The following MTHFSD variants were observed in gnomAD, a reference collection of about 807,000 sequenced individuals.
The protein encoded by MTHFSD is methenyltetrahydrofolate synthase domain-containing protein.
A neutral mutation model predicts 31.1 loss-of-function variants in MTHFSD; 37 were observed. The ratio of observed to expected loss-of-function variants is 1.19; its 90% confidence interval spans 0.91 to 1.56. MTHFSD has a LOEUF of 1.56. MTHFSD is among the 40% of genes most tolerant of loss of function. The pLI is 0.00. For missense variants in MTHFSD, 664 were observed against 510.1 expected, an observed-to-expected ratio of 1.30 and a Z score of -2.91; for synonymous variants, 221 against 206.9, an observed-to-expected ratio of 1.07 and a Z score of -0.59.
At chr16:86,543,065 G>A (rs16941489) in intron 5 of MTHFSD, among the ~76,000 whole-genome samples, 2,332 of 152,322 alleles carry the variant, frequency 0.015, 57 homozygotes, top group African/African-American at 0.053. Flanking sequence ...TGTGCATGCA[G>A]AGAAACAAGA....
intron 7 of MTHFSD, 75 bp downstream of exon 7, chr16:86,541,622 A>C: frequency 6.4e-7 from 1 of 1,555,686 alleles, no homozygotes; most frequent in Non-Finnish European, 8.7e-7. Flanking sequence ...AACAGCTCCC[A>C]TGCCAGACAG....
intron 2 of MTHFSD, 122 bp from the exon 3 acceptor site, chr16:86,552,268 G>C (rs1357256856): frequency 1.3e-6 from 2 of 1,598,272 alleles, no homozygotes; most frequent in Non-Finnish European, 1.7e-6. Flanking sequence ...AAGCGTGGGA[G>C]TTGCTCGGCA....
In MTHFSD at chr16:86,533,665, C is replaced by G. The variant is rs945366053; in HGVS notation, c.682-1184G>C. On this transcript the variant is annotated intron_variant, in intron 7 of 7. Coordinates refer to ENST00000360900, the MANE Select transcript of MTHFSD (RefSeq NM_001159377.2). ...TATCCTTGGCAGGGTGAGAGAGGAG[C>G]CTTTGTGAGGAGCTGGGGTTCCCTC... 2.0e-5 allele frequency: 3 copies of G among 152,222 alleles called. No homozygotes were observed. The East Asian group carries it at 5.8e-4, about 29-fold the overall frequency. The allele number at this position is 152,222 out of a possible 1,614,324, so 9.4% of individuals were successfully genotyped here. A position where few individuals can be genotyped will look rare whatever the true frequency, so the allele number is the denominator to read the frequency against.
chr16:86,554,759 A>G lies in MTHFSD; in HGVS notation c.17-8T>C, dbSNP rs532540290. On this transcript the variant is annotated splice_region_variant and splice_polypyrimidine_tract_variant and intron_variant, in intron 1 of 7. Coordinates refer to ENST00000360900, the MANE Select transcript of MTHFSD (RefSeq NM_001159377.2). ...CCTGTTTGGAGACACCTACTGCAAC[A>G]AAAGATTCCCACTTAATAACATACA... 3.8e-5 allele frequency: 61 copies of G among 1,604,508 alleles called. No homozygotes were observed. Among genetic ancestry groups the G allele is most frequent in the South Asian group, 2.4e-4 (22 of 90,722 alleles).
Position 86,542,030 on chromosome 16 carries a change from C to G in MTHFSD, c.555+71G>C. ...CAGCATGGTTCAGAAGCAGATGAGT[C>G]TCCTTCCCCACCCCCTGCTCCCTCA... On this transcript the variant is annotated intron_variant, in intron 6 of 7. Transcript: ENST00000360900. This position sits in a 1 kb window ranked among gnomAD's most constrained non-coding sequence, Gnocchi z 4.6. 1 of 1,465,590 alleles carries G rather than the reference C, an allele frequency of 6.8e-7. No homozygotes were observed. The highest frequency in any genetic ancestry group is 9.4e-7 in the Non-Finnish European group (1 of 1,058,882). 90.8% of individuals were successfully genotyped at this position (1,465,590 alleles called of 1,614,324 possible).
intron 7 of MTHFSD, chr16:86,541,343 C>T: frequency 1.3e-6 from 1 of 758,946 alleles, no homozygotes; most frequent in Non-Finnish European, 1.9e-6. Context: ...TGAGATAACA[C>T]CAGGCAGAGC....
rs1324153387 is a variant in MTHFSD at position 86,542,696 on chromosome 16, G to C, written c.443-483C>G. 6.6e-6 allele frequency among the ~76,000 whole-genome samples: 1 copy of C among 152,196 alleles called. No homozygotes were observed. The highest frequency in any genetic ancestry group is 1.5e-5 in the Non-Finnish European group (1 of 68,036). On this transcript the variant is annotated intron_variant, in intron 5 of 7. Coordinates refer to ENST00000360900, the MANE Select transcript of MTHFSD (RefSeq NM_001159377.2). The surrounding 1 kb of genome is among the most constrained non-coding windows in gnomAD (Gnocchi z 4.6). ...CAAAAGCACTGAATACTCACCACTA[G>C]ATACCAGGTCCTGAGGGACGGTTTA...
chr16:86,548,216 C>T (rs1972610404), intron 4 of MTHFSD: 3 of 1,043,148 alleles, frequency 2.9e-6, no homozygotes, highest in South Asian at 3.1e-5. Flanking sequence ...CCTTTTCTTA[C>T]AATAAGGAAT....
Position 86,531,432 on chromosome 16 carries a change from C to T in MTHFSD, c.*579G>A, listed in dbSNP as rs1969979833. ...TGGGGAGGGGAAGAGGGGAGGCTGG[C>T]TCCCCGAAATGTGACCTGAGGACTG... is the stretch of plus-strand genomic sequence containing the variant. On this transcript the variant is annotated 3_prime_UTR_variant, in exon 8 of 8. Coordinates refer to ENST00000360900, the MANE Select transcript of MTHFSD (RefSeq NM_001159377.2). The surrounding 1 kb of genome is among the most constrained non-coding windows in gnomAD (Gnocchi z 5.5). The T allele has an allele frequency of 6.6e-6, 1 of 152,336 alleles. No homozygotes were observed. The allele number at this position is 152,336 out of a possible 1,614,324, so 9.4% of individuals were successfully genotyped here. A position where few individuals can be genotyped will look rare whatever the true frequency, so the allele number is the denominator to read the frequency against.
intron 4 of MTHFSD, chr16:86,547,617 G>A: frequency 2.2e-6 from 2 of 926,370 alleles, no homozygotes; most frequent in Non-Finnish European, 2.6e-6. Flanking sequence ...CCATCACCAT[G>A]CTTTCGTCTC....
rs534611133 is a variant in MTHFSD at position 86,547,957 on chromosome 16, A to G, written c.351+507T>C. The G allele has an allele frequency of 1.8e-3, 1,951 of 1,060,976 alleles. 3 individuals carry two copies. The highest frequency in any genetic ancestry group is 2.2e-3 in the Non-Finnish European group (1,781 of 792,162). 65.7% of individuals were successfully genotyped at this position (1,060,976 alleles called of 1,614,324 possible). A position where few individuals can be genotyped will look rare whatever the true frequency, so the allele number is the denominator to read the frequency against. The stretch of plus-strand genomic sequence containing the variant: ...TTTTATTATAATGCACCCTAAAGTC[A>G]TATTTGTACACTTGGTTTTACTAAA... On this transcript the variant is annotated intron_variant, in intron 4 of 7. Coordinates refer to ENST00000360900, the MANE Select transcript of MTHFSD (RefSeq NM_001159377.2).
At chr16:86,553,583 C>G (rs1241190612) in intron 2 of MTHFSD, 1 of 153,934 alleles carries the variant, frequency 6.5e-6, no homozygotes, top group East Asian at 1.9e-4. Flanking sequence ...TATTTCTCGC[C>G]GGGCCTTAGC....
chr16:86,533,766 C>T (rs1970295579), intron 7 of MTHFSD: 1 of 152,156 alleles, frequency 6.6e-6, no homozygotes, highest in South Asian at 2.1e-4. Context: ...CTCCAAACTA[C>T]AAGAAGTACA....
chr16:86,537,197 C>A (rs1345087194), intron 7 of MTHFSD, among the ~76,000 whole-genome samples: 1 of 152,136 alleles, frequency 6.6e-6, no homozygotes, highest in Non-Finnish European at 1.5e-5. Context: ...AAGGTAGAAA[C>A]GTTTGAAATC....
At chr16:86,551,066 C>G (rs1973077872) in intron 3 of MTHFSD, among the ~76,000 whole-genome samples, 2 of 152,146 alleles carry the variant, frequency 1.3e-5, no homozygotes, top group African/African-American at 4.8e-5. Flanking sequence ...CCAGCAAAAC[C>G]ATATCAACCA....
At chr16:86,541,000 G>C in intron 7 of MTHFSD, 11 of 1,175,452 alleles carry the variant, frequency 9.4e-6, no homozygotes, top group Non-Finnish European at 1.2e-5. Flanking sequence ...GGATTCAAAC[G>C]GTGAATGATT....
chr16:86,539,673 G>A (rs1971210677), intron 7 of MTHFSD, among the ~76,000 whole-genome samples: 1 of 152,190 alleles, frequency 6.6e-6, no homozygotes, highest in African/African-American at 2.4e-5. Context: ...CAATCAAGGA[G>A]ATGCGCTGTT....
At chr16:86,548,651 C>A (rs2143793853) in intron 3 of MTHFSD, 74 bp from the exon 4 acceptor site, 1 of 1,243,836 alleles carries the variant, frequency 8.0e-7, no homozygotes, top group Non-Finnish European at 1.1e-6. Flanking sequence ...GTATTTTTAC[C>A]ATTTCAGGAG....
intron 6 of MTHFSD, 114 bp downstream of exon 6, chr16:86,541,986 AT>A (rs1356211190): frequency 7.5e-7 from 1 of 1,338,712 alleles, no homozygotes; most frequent in African/African-American, 1.4e-5. Flanking sequence ...GCCCTGGCTG[AT>A]CCACACCACT....
Sources: allele counts gnomAD v4.1 joint callset (sites outside exome capture counted in the v4.1 genomes callset), GRCh38; gene constraint gnomAD v4.1.1; non-coding constraint Gnocchi (gnomAD v3.1); transcripts MANE v1.5; gene names NCBI Gene and HGNC (gene_info 2026-07-23, HGNC 2026-07-21).